The following EXT1 variants were observed in gnomAD, a reference collection of about 807,000 sequenced individuals.
EXT1 encodes exostosin glycosyltransferase 1, also known as exostosin-1.
A neutral mutation model predicts 82.5 loss-of-function variants in EXT1; 20 were observed. That is an observed-to-expected ratio of 0.24 (90% CI 0.17 to 0.35). EXT1 has a LOEUF of 0.35. Ranked by LOEUF, EXT1 falls within the 10% of genes least tolerant of loss-of-function variation. The pLI is 1.00. For missense variants in EXT1, 757 were observed against 936.5 expected (o/e 0.81, Z 2.50); for synonymous variants, 348 against 350.8 (o/e 0.99, Z 0.09).
chr8:117,906,020 A>G (rs1468037399), intron 1 of EXT1, among the ~76,000 whole-genome samples: 1 of 152,110 alleles, frequency 6.6e-6, no homozygotes, highest in Non-Finnish European at 1.5e-5. Flanking sequence ...TAAAAAGGCT[A>G]CACTTCCTGC....
At chr8:118,037,829 GT>G (rs938635710) in intron 1 of EXT1, among the ~76,000 whole-genome samples, 1 of 124,770 alleles carries the variant, frequency 8.0e-6, no homozygotes, top group Admixed American at 7.5e-5. Context: ...CAACAAGAGT[GT>G]TTTTTGTTTT....
At chr8:118,104,181 T>G (rs982708018) in intron 1 of EXT1, among the ~76,000 whole-genome samples, 2 of 152,136 alleles carry the variant, frequency 1.3e-5, no homozygotes, top group African/African-American at 4.8e-5. Flanking sequence ...TGTTGAAAGG[T>G]TCTATGAACT....
intron 1 of EXT1, among the ~76,000 whole-genome samples, chr8:117,949,423 T>C (rs1168536326): frequency 6.6e-6 from 1 of 151,210 alleles, no homozygotes; most frequent in Non-Finnish European, 1.5e-5. Context: ...ATATTTATAA[T>C]CCACAGGTAA....
intron 1 of EXT1, among the ~76,000 whole-genome samples, chr8:118,082,941 G>A (rs1278638841): frequency 6.6e-6 from 1 of 152,122 alleles, no homozygotes; most frequent in East Asian, 1.9e-4. Flanking sequence ...AGAACAGTAA[G>A]GCCAGCACTA....
intron 1 of EXT1, among the ~76,000 whole-genome samples, chr8:118,045,534 C>T (rs1354317619): frequency 2.6e-5 from 4 of 152,122 alleles, no homozygotes; most frequent in Non-Finnish European, 5.9e-5. Context: ...CACTGCATTG[C>T]TTGCAATGAA....
At chr8:117,814,890 C>T (rs533683163) in intron 7 of EXT1, among the ~76,000 whole-genome samples, 9 of 152,246 alleles carry the variant, frequency 5.9e-5, no homozygotes, top group East Asian at 5.8e-4. Flanking sequence ...GTTTCTTTGC[C>T]GGCGAAGCTA....
At chr8:117,803,379 T>C (rs1005334533) in intron 10 of EXT1, among the ~76,000 whole-genome samples, 1 of 152,024 alleles carries the variant, frequency 6.6e-6, no homozygotes, top group Non-Finnish European at 1.5e-5. Context: ...GTATTTTTAG[T>C]AGAGATGGGG....
chr8:118,110,339 G>C lies in EXT1; in HGVS notation c.708C>G (p.Leu236=). The C allele has an allele frequency of 3.1e-6, 5 of 1,614,196 alleles. No homozygotes were observed. Among genetic ancestry groups the C allele is most frequent in the Non-Finnish European group, 3.4e-6 (4 of 1,180,030 alleles). The change falls in exon 1 of 11, where the codon CTC becomes CTG. Residue 236 remains leucine, a synonymous_variant. Coordinates refer to ENST00000378204, the MANE Select transcript of EXT1 (RefSeq NM_000127.3). ...FRPNFDVSIP[L]FSKDHPRTGG... ...CTGTCCTGGGATGATCCTTAGAAAA[G>C]AGGGGAATAGAAACATCAAAGTTGG...
At chr8:117,952,141 G>A (rs1426091347) in intron 1 of EXT1, among the ~76,000 whole-genome samples, 1 of 152,092 alleles carries the variant, frequency 6.6e-6, no homozygotes, top group Non-Finnish European at 1.5e-5. Context: ...AACTAATTCG[G>A]TAATTACCCT....
At chr8:117,835,774 T>C (rs562156168) in intron 2 of EXT1, among the ~76,000 whole-genome samples, 2 of 152,334 alleles carry the variant, frequency 1.3e-5, no homozygotes, top group East Asian at 3.9e-4. Flanking sequence ...TGCCCTAGAA[T>C]GCTAAAACCC....
At chr8:117,868,505 G>A (rs889506134) in intron 1 of EXT1, among the ~76,000 whole-genome samples, 1 of 152,196 alleles carries the variant, frequency 6.6e-6, no homozygotes, top group African/African-American at 2.4e-5. Context: ...AAGCCAGAGT[G>A]GAGTGGCACA....
chr8:117,842,283 AATACTTATACTGTGAGG>A (rs756921560), intron 1 of EXT1, among the ~76,000 whole-genome samples: 18 of 152,208 alleles, frequency 1.2e-4, no homozygotes, highest in Non-Finnish European at 2.2e-4. Context: ...AAATGGGGAT[AATACTTATACTGTGAGG>A]ATTAAGTGAT....
intron 1 of EXT1, among the ~76,000 whole-genome samples, chr8:117,956,726 C>T (rs559705855): frequency 1.3e-5 from 2 of 152,294 alleles, no homozygotes; most frequent in South Asian, 4.1e-4. Context: ...AGATTACAGG[C>T]ATGAGCCACT....
chr8:117,973,859 AG>A (rs779031364), intron 1 of EXT1, among the ~76,000 whole-genome samples: 2,008 of 142,808 alleles, frequency 0.014, 135 homozygotes, highest in African/African-American at 0.047. Context: ...AGGAAAGGAA[AG>A]GAAAGGAAAG....
At chr8:117,823,960 G>A (rs886688333) in intron 4 of EXT1, among the ~76,000 whole-genome samples, 8 of 152,188 alleles carry the variant, frequency 5.3e-5, no homozygotes, top group Admixed American at 1.3e-4. Context: ...CATTAATTAT[G>A]AGAAAATTGT....
intron 1 of EXT1, among the ~76,000 whole-genome samples, chr8:118,076,846 T>C (rs1206482474): frequency 6.6e-6 from 1 of 152,220 alleles, no homozygotes; most frequent in Non-Finnish European, 1.5e-5. Flanking sequence ...TTCATATAGA[T>C]AGAAAATCAA....
At chr8:118,031,472 C>T (rs1455836580) in intron 1 of EXT1, among the ~76,000 whole-genome samples, 1 of 151,532 alleles carries the variant, frequency 6.6e-6, no homozygotes, top group Non-Finnish European at 1.5e-5. Flanking sequence ...TTGCAGTGAG[C>T]TGAGATCGAG....
intron 1 of EXT1, among the ~76,000 whole-genome samples, chr8:118,087,426 G>C (rs1817441416): frequency 6.6e-6 from 1 of 152,166 alleles, no homozygotes; most frequent in South Asian, 2.1e-4. Flanking sequence ...CCAAGGATCA[G>C]AGCTCTACAA....
At chr8:118,005,610 C>A (rs901953333) in intron 1 of EXT1, among the ~76,000 whole-genome samples, 1 of 152,206 alleles carries the variant, frequency 6.6e-6, no homozygotes, top group African/African-American at 2.4e-5. Flanking sequence ...GATCTAAGGT[C>A]ACACAAGCTG....
Sources: allele counts gnomAD v4.1 joint callset (sites outside exome capture counted in the v4.1 genomes callset), GRCh38; gene constraint gnomAD v4.1.1; transcripts MANE v1.5; gene names NCBI Gene and HGNC (gene_info 2026-07-23, HGNC 2026-07-21).